MECOM: variants seen among roughly 807,000 people sequenced by gnomAD.
The protein encoded by MECOM is MDS1 and EVI1 complex locus.
A neutral mutation model predicts 116.3 loss-of-function variants in MECOM; 13 were observed. That is an observed-to-expected ratio of 0.11 (90% confidence interval 0.07 to 0.18). The LOEUF (loss-of-function observed/expected upper bound fraction) is 0.18, where lower values mean the gene tolerates loss of function less well. MECOM is among the 10% of genes least tolerant of loss of function. The pLI is 1.00. For missense variants in MECOM, 1,299 were observed against 1,509.0 expected, an observed-to-expected ratio of 0.86 and a Z score of 2.31; for synonymous variants, 528 against 535.2, an observed-to-expected ratio of 0.99 and a Z score of 0.19.
intron 2 of MECOM, among the ~76,000 whole-genome samples, chr3:169,144,143 T>A (rs1738988546): frequency 6.6e-6 from 1 of 152,184 alleles, no homozygotes; most frequent in African/African-American, 2.4e-5. Context: ...AAAATAATAT[T>A]GAACAGCGTA....
chr3:169,401,623 G>T (rs1735919656), intron 1 of MECOM, among the ~76,000 whole-genome samples: 1 of 152,162 alleles, frequency 6.6e-6, no homozygotes, highest in Non-Finnish European at 1.5e-5. Context: ...GCTAGGGAAG[G>T]CTGTCAAGAA....
chr3:169,108,723 T>G (rs2149011664), intron 9 of MECOM, among the ~76,000 whole-genome samples: 1 of 152,320 alleles, frequency 6.6e-6, no homozygotes, highest in South Asian at 2.1e-4. Context: ...TCTAACCATA[T>G]GAAACACTTG....
At chr3:169,510,317 G>A (rs574726082) in intron 1 of MECOM, among the ~76,000 whole-genome samples, 3 of 152,284 alleles carry the variant, frequency 2.0e-5, no homozygotes, top group Non-Finnish European at 2.9e-5. Context: ...CCTGTCACCA[G>A]CAGTCTTGAC....
chr3:169,117,508 G>T (rs1316232592), intron 7 of MECOM, among the ~76,000 whole-genome samples: 1 of 152,148 alleles, frequency 6.6e-6, no homozygotes, highest in Admixed American at 6.5e-5. Context: ...CACACCAGTG[G>T]TTGTGCTAAC....
intron 1 of MECOM, among the ~76,000 whole-genome samples, chr3:169,439,157 C>T (rs1743197517): frequency 7.0e-6 from 1 of 143,010 alleles, no homozygotes; most frequent in South Asian, 2.1e-4. Flanking sequence ...ATATTATTAA[C>T]TAAAGATTAG....
At position 169,539,550 on chromosome 3, in the gene MECOM, A is replaced by C. The variant is rs187971434; in HGVS notation, c.37+123786T>G. ...ATGTCACCACCACCCACTCATCTCCACAGTCAAATGTTCACCAAGAACTTT... is the reference window on the plus strand; with the variant it reads ...ATGTCACCACCACCCACTCATCTCCCCAGTCAAATGTTCACCAAGAACTTT... On this transcript the variant is annotated intron_variant, in intron 1 of 16. Coordinates refer to ENST00000651503, the MANE Select transcript of MECOM (RefSeq NM_004991.4). Among the ~76,000 whole-genome samples the C allele has an allele frequency of 4.6e-5, 7 of 152,220 alleles. 1 individual carries two copies. In the East Asian group the frequency reaches 1.3e-3, roughly 29 times the overall value.
At chr3:169,352,823 G>A (rs9839466) in intron 2 of MECOM, among the ~76,000 whole-genome samples, 5,333 of 151,898 alleles carry the variant, frequency 0.035, 195 homozygotes, top group African/African-American at 0.095. Flanking sequence ...GCTATTCAAC[G>A]CAGAAAAGAA....
At chr3:169,515,899 A>AAATT (rs552413644) in intron 1 of MECOM, among the ~76,000 whole-genome samples, 2,749 of 152,306 alleles carry the variant, frequency 0.018, 29 homozygotes, top group Middle Eastern at 0.037. Flanking sequence ...CATTTTTCAA[A>AAATT]TACCAATTTT....
intron 1 of MECOM, among the ~76,000 whole-genome samples, chr3:169,592,585 T>G (rs901655081): frequency 6.6e-6 from 1 of 152,222 alleles, no homozygotes; most frequent in African/African-American, 2.4e-5. Context: ...CTGGGTAACT[T>G]TTATCCAAGC....
intron 2 of MECOM, among the ~76,000 whole-genome samples, chr3:169,251,379 A>G (rs1756224314): frequency 6.6e-6 from 1 of 152,194 alleles, no homozygotes; most frequent in African/African-American, 2.4e-5. Flanking sequence ...AAGTTTCTTT[A>G]GAAAGAAAGT....
At position 169,654,143 on chromosome 3, in the gene MECOM, G is replaced by A. The variant is rs142091078; in HGVS notation, c.37+9193C>T. Among the ~76,000 whole-genome samples, 534 of 152,286 alleles carry A rather than the reference G, an allele frequency of 3.5e-3. 8 individuals carry two copies. Among genetic ancestry groups the A allele is most frequent in the African/African-American group, 0.012 (517 of 41,550 alleles). On this transcript the variant is annotated intron_variant, in intron 1 of 16. Transcript: ENST00000651503. The stretch of plus-strand genomic sequence containing the variant: ...TTCACTGACAAGTCCCATGACTACA[G>A]TATTGAGTTAGATATTATAAAGTGC...
chr3:169,281,899 T>A (rs1712127796), intron 2 of MECOM, among the ~76,000 whole-genome samples: 1 of 152,196 alleles, frequency 6.6e-6, no homozygotes, highest in African/African-American at 2.4e-5. Flanking sequence ...ATATCAAAAC[T>A]TTAGTCACCT....
At chr3:169,659,072 CAAAAA>C (rs199570807) in intron 1 of MECOM, among the ~76,000 whole-genome samples, 4 of 83,548 alleles carry the variant, frequency 4.8e-5, no homozygotes, top group Non-Finnish European at 7.2e-5. Context: ...CCTTCAACTC[CAAAAA>C]AAAAAAAAAA....
rs557164997 is a variant in MECOM at position 169,275,545 on chromosome 3, T to C, written c.375+105642A>G. Reference sequence around the variant, plus strand: ...GCTGGAACATTGTTACCCTGCTAAATATCTTAGTTTTCTAATGATACGCAA... The same window carrying C: ...GCTGGAACATTGTTACCCTGCTAAACATCTTAGTTTTCTAATGATACGCAA... On this transcript the variant is annotated intron_variant, in intron 2 of 16. Coordinates refer to ENST00000651503, the MANE Select transcript of MECOM (RefSeq NM_004991.4). 5.9e-5 allele frequency among the ~76,000 whole-genome samples: 9 copies of C among 152,352 alleles called. No homozygotes were observed. The South Asian group carries it at 1.4e-3, about 25-fold the overall frequency.
At chr3:169,491,547 A>C (rs1236717855) in intron 1 of MECOM, among the ~76,000 whole-genome samples, 3 of 152,350 alleles carry the variant, frequency 2.0e-5, no homozygotes, top group South Asian at 2.1e-4. Context: ...TGAAGACTTC[A>C]ATTTATCTTC....
intron 1 of MECOM, among the ~76,000 whole-genome samples, chr3:169,421,520 C>T (rs1030976181): frequency 6.6e-6 from 1 of 152,072 alleles, no homozygotes; most frequent in Non-Finnish European, 1.5e-5. Flanking sequence ...TACATGGTCT[C>T]ATGTTTGCTC....
chr3:169,241,843 T>G (rs1577442850), intron 2 of MECOM, among the ~76,000 whole-genome samples: 1 of 152,234 alleles, frequency 6.6e-6, no homozygotes, highest in African/African-American at 2.4e-5. Context: ...ATTTTCTTTA[T>G]AGTCTTTAAG....
intron 1 of MECOM, among the ~76,000 whole-genome samples, chr3:169,559,181 A>G (rs1762373439): frequency 6.6e-6 from 1 of 152,178 alleles, no homozygotes; most frequent in Non-Finnish European, 1.5e-5. Flanking sequence ...CATGAGGTAC[A>G]CTTTGCATAG....
intron 1 of MECOM, among the ~76,000 whole-genome samples, chr3:169,542,344 A>G (rs557802967): frequency 1.3e-5 from 2 of 151,528 alleles, no homozygotes; most frequent in East Asian, 3.9e-4. Flanking sequence ...AAAAGAACAG[A>G]CTTATTTTGA....
Sources: gnomAD v4.1 joint callset for allele counts (sites outside exome capture counted in the v4.1 genomes callset) on GRCh38, gnomAD v4.1.1 for gene constraint, MANE v1.5 for transcripts, NCBI Gene and HGNC (gene_info 2026-07-23, HGNC 2026-07-21) for gene names.